ACVR2A: variants seen among roughly 807,000 people sequenced by gnomAD.
ACVR2A encodes activin A receptor type 2A.
In ACVR2A, 7 loss-of-function variants were observed where a neutral mutation model predicts 61.4. That is an observed-to-expected ratio of 0.11 (90% CI 0.06 to 0.21). The LOEUF (loss-of-function observed/expected upper bound fraction) is 0.21, where lower values mean the gene tolerates loss of function less well. ACVR2A is among the 10% of genes least tolerant of loss of function. The probability of loss-of-function intolerance (pLI) is 1.00; values close to 1 mark genes in which losing one functional copy is unlikely to be tolerated. For missense variants in ACVR2A, 322 were observed against 621.7 expected (o/e 0.52, Z 5.13); for synonymous variants, 193 against 208.3 (o/e 0.93, Z 0.63).
At chr2:147,887,797 T>A (rs1686479443) in intron 1 of ACVR2A, among the ~76,000 whole-genome samples, 1 of 152,170 alleles carries the variant, frequency 6.6e-6, no homozygotes. Context: ...TATAGACAAC[T>A]GATTTAAAAA....
intron 1 of ACVR2A, among the ~76,000 whole-genome samples, chr2:147,872,629 T>C (rs1686050930): frequency 6.6e-6 from 1 of 150,964 alleles, no homozygotes; most frequent in African/African-American, 2.4e-5. Flanking sequence ...GAGCAGGATT[T>C]GTTGTAGATG....
At chr2:147,851,398 G>A (rs1191893158) in intron 1 of ACVR2A, among the ~76,000 whole-genome samples, 1 of 152,008 alleles carries the variant, frequency 6.6e-6, no homozygotes, top group Non-Finnish European at 1.5e-5. Context: ...ACACAATGGG[G>A]GGATATTAAT....
chr2:147,920,800 T>G (rs1054926942), intron 8 of ACVR2A, among the ~76,000 whole-genome samples: 4 of 152,172 alleles, frequency 2.6e-5, no homozygotes, highest in African/African-American at 9.7e-5. Context: ...CATTAATTTC[T>G]TTAATCAACT....
At chr2:147,850,650 A>T (rs552386846) in intron 1 of ACVR2A, among the ~76,000 whole-genome samples, 31 of 147,336 alleles carry the variant, frequency 2.1e-4, no homozygotes, top group Admixed American at 1.0e-3. Flanking sequence ...TCTAGACAGA[A>T]CATTGATTTC....
At chr2:147,882,168 G>A (rs1686318503) in intron 1 of ACVR2A, among the ~76,000 whole-genome samples, 2 of 152,198 alleles carry the variant, frequency 1.3e-5, no homozygotes, top group African/African-American at 2.4e-5. Flanking sequence ...AGCCATCTAT[G>A]TGGGGATAAT....
chr2:147,882,640 C>T (rs1686333857), intron 1 of ACVR2A, among the ~76,000 whole-genome samples: 1 of 152,130 alleles, frequency 6.6e-6, no homozygotes, highest in African/African-American at 2.4e-5. Context: ...TTACACATGC[C>T]ACATGCACAT....
chr2:147,925,933 G>A (rs1687490420), intron 9 of ACVR2A, 98 bp from the exon 10 acceptor site: 4 of 1,242,596 alleles, frequency 3.2e-6, no homozygotes, highest in Non-Finnish European at 4.5e-6. Flanking sequence ...TAAACAGTTG[G>A]GAATAGGTGA....
chr2:147,900,351 G>A (rs561264997), intron 4 of ACVR2A: 1 of 153,348 alleles, frequency 6.5e-6, no homozygotes, highest in East Asian at 1.9e-4. Context: ...GAAAAGAGAG[G>A]TTTCATAAAG....
chr2:147,926,833 A>G (rs1378085480), intron 10 of ACVR2A, among the ~76,000 whole-genome samples: 1 of 151,836 alleles, frequency 6.6e-6, no homozygotes, highest in Non-Finnish European at 1.5e-5. Context: ...GACCTGGGTT[A>G]TGAACAAGGG....
At chr2:147,875,730 T>C (rs1416267770) in intron 1 of ACVR2A, among the ~76,000 whole-genome samples, 2 of 152,004 alleles carry the variant, frequency 1.3e-5, no homozygotes, top group African/African-American at 2.4e-5. Flanking sequence ...AACAAATAAA[T>C]GTACATCAGA....
chr2:147,918,596 G>A lies in ACVR2A; in HGVS notation c.962+4G>A, dbSNP rs1250666866. 6.3e-7 allele frequency: 1 copy of A among 1,593,108 alleles called. No individual in the cohort carries two copies. The highest frequency in any genetic ancestry group is 2.3e-5 in the East Asian group (1 of 44,352). On this transcript the variant is annotated splice_donor_region_variant and intron_variant, in intron 7 of 10. Transcript: ENST00000241416. ...ACAAACCTGCCATATCTCACAGGTA[G>A]ACTAAATTTATATTGTTTTCCCAGA...
At chr2:147,920,631 A>G (rs192749672) in intron 8 of ACVR2A, among the ~76,000 whole-genome samples, 3 of 152,296 alleles carry the variant, frequency 2.0e-5, no homozygotes, top group Non-Finnish European at 2.9e-5. Context: ...TTCTTAGGGA[A>G]TTCTTCGTAT....
intron 1 of ACVR2A, among the ~76,000 whole-genome samples, chr2:147,847,968 A>G (rs1489332808): frequency 6.6e-6 from 1 of 152,220 alleles, no homozygotes; most frequent in Non-Finnish European, 1.5e-5. Context: ...TAAGTTGAGA[A>G]TTCCTTTGGA....
At chr2:147,896,011 A>T (rs555343580) in intron 1 of ACVR2A, among the ~76,000 whole-genome samples, 7 of 152,328 alleles carry the variant, frequency 4.6e-5, no homozygotes, top group Admixed American at 2.0e-4. Context: ...TCAAGGGCCA[A>T]GGTTTCATAA....
chr2:147,930,026 A>G lies in ACVR2A; in HGVS notation c.*2752A>G, dbSNP rs1007342665. 1.3e-5 allele frequency: 2 copies of G among 152,476 alleles called. No individual in the cohort carries two copies. Among genetic ancestry groups the G allele is most frequent in the Non-Finnish European group, 2.9e-5 (2 of 67,982 alleles). The allele number at this position is 152,476 out of a possible 1,614,324, so 9.4% of individuals were successfully genotyped here. ...CTCTTGTATGTATTTTAGATGCTAG[A>G]AGTTTTTTTAGCATGTGATGTGTGA... is the stretch of plus-strand genomic sequence containing the variant. On this transcript the variant is annotated 3_prime_UTR_variant, in exon 11 of 11. Transcript: ENST00000241416.
At chr2:147,864,293 G>A (rs371111302) in intron 1 of ACVR2A, among the ~76,000 whole-genome samples, 1 of 152,068 alleles carries the variant, frequency 6.6e-6, no homozygotes, top group Non-Finnish European at 1.5e-5. Context: ...GCAGTGGCGC[G>A]ATGTCGGCTC....
At chr2:147,916,677 T>C (rs1176405884) in intron 5 of ACVR2A, among the ~76,000 whole-genome samples, 1 of 151,880 alleles carries the variant, frequency 6.6e-6, no homozygotes, top group Non-Finnish European at 1.5e-5. Flanking sequence ...TATTGTCTTT[T>C]AGTAGTGAAA....
At chr2:147,907,047 G>A (rs1247073458) in intron 4 of ACVR2A, among the ~76,000 whole-genome samples, 2 of 151,940 alleles carry the variant, frequency 1.3e-5, no homozygotes, top group Admixed American at 1.3e-4. Flanking sequence ...GTGTCCATGT[G>A]TTCTCATTGT....
In ACVR2A at chr2:147,847,539, G is replaced by A. The variant is rs114294327; in HGVS notation, c.55+2332G>A. Among the ~76,000 whole-genome samples, 753 of 152,174 alleles carry A rather than the reference G, an allele frequency of 4.9e-3. 8 individuals carry two copies. The highest frequency in any genetic ancestry group is 0.017 in the African/African-American group (726 of 41,520). ...AAATCAAAATGGGAAACAATAGTAA[G>A]GAACAGTTTTGTTCCAGGTGTTTAG... On this transcript the variant is annotated intron_variant, in intron 1 of 10. Transcript: ENST00000241416.
Sources: allele counts gnomAD v4.1 joint callset (sites outside exome capture counted in the v4.1 genomes callset), GRCh38; gene constraint gnomAD v4.1.1; transcripts MANE v1.5; gene names NCBI Gene and HGNC (gene_info 2026-07-23, HGNC 2026-07-21).